Variants in CTSA observed in about 807,000 individuals in gnomAD.
The protein encoded by CTSA is lysosomal protective protein.
In CTSA, 42 loss-of-function variants were observed where a neutral mutation model predicts 66.7. That is an observed-to-expected ratio of 0.63 (90% confidence interval 0.49 to 0.81). The LOEUF (loss-of-function observed/expected upper bound fraction) is 0.81. Ranked by LOEUF, CTSA falls within the 40% of genes least tolerant of loss-of-function variation. The pLI is 0.00. For synonymous variants in CTSA, 225 were observed against 248.6 expected (o/e 0.91, Z 0.89); for missense variants, 525 against 610.9 (o/e 0.86, Z 1.48).
chr20:45,891,954 T>C lies in CTSA; in HGVS notation c.233T>C (p.Val78Ala), dbSNP rs1055279552. ...CAGAAGGATCCCGAGAACAGCCCTGTGGTGCTTTGGCTCAATGGGGGTCCC... is the reference window on the plus strand; with the variant it reads ...CAGAAGGATCCCGAGAACAGCCCTGCGGTGCTTTGGCTCAATGGGGGTCCC... ...ESQKDPENSP[V>A]VLWLNGGPGC... The change falls in exon 3 of 15, where the codon GTG becomes GCG. Residue 78 changes from valine (V) to alanine (A), a missense_variant. Val to Ala is a moderately conservative substitution (Grantham distance 64). Around this residue, in one of 3 missense-constraint regions of CTSA, gnomAD observed 246 missense variants for 267.4 expected, o/e 0.92. Coordinates refer to ENST00000646241, the MANE Select transcript of CTSA (RefSeq NM_000308.4). The surrounding 1 kb of genome is among the most constrained non-coding windows in gnomAD (Gnocchi z 4.6). 1.2e-6 allele frequency: 2 copies of C among 1,614,146 alleles called. No individual in the cohort carries two copies. The highest frequency in any genetic ancestry group is 3.3e-5 in the Admixed American group (2 of 60,026).
intron 11 of CTSA, among the ~76,000 whole-genome samples, chr20:45,896,157 T>A (rs1448449402): frequency 6.6e-6 from 1 of 152,084 alleles, no homozygotes; most frequent in Non-Finnish European, 1.5e-5. Flanking sequence ...ATCATGCTAC[T>A]GCACTCCAGC....
chr20:45,896,224 A>G (rs1460777271), intron 11 of CTSA, among the ~76,000 whole-genome samples: 4 of 149,288 alleles, frequency 2.7e-5, no homozygotes, highest in African/African-American at 1.0e-4. Flanking sequence ...GTTAACTTCC[A>G]TGTCCAGTCT....
At position 45,894,803 on chromosome 20, in the gene CTSA, TC is replaced by T. The variant is rs3215446; in HGVS notation, c.870-15del. ...CCCCATCTGGAGGCTCCACACCCAT[TC>T]CCCCACCTCACATTGCAGGTATGAG... On this transcript the variant is annotated intron_variant, in intron 9 of 14. Transcript: ENST00000646241. The T allele has an allele frequency of 0.54, 868,752 of 1,613,518 alleles. 241,362 individuals are homozygous for T. Among genetic ancestry groups the T allele is most frequent in the Admixed American group, 0.61 (36,686 of 59,952 alleles).
chr20:45,893,398 C>A, intron 7 of CTSA, 87 bp downstream of exon 7: 1 of 1,005,150 alleles, frequency 9.9e-7, no homozygotes, highest in Non-Finnish European at 1.6e-6. Context: ...ATATGACAGG[C>A]CCAGCCCAGG....
In CTSA at chr20:45,891,632, T is replaced by A; in HGVS notation, c.64T>A (p.Trp22Arg). Residue 22 changes from tryptophan (W) to arginine (R), a missense_variant, in exon 2 of 15, where the codon TGG becomes AGG. Coordinates refer to ENST00000646241, the MANE Select transcript of CTSA (RefSeq NM_000308.4). The surrounding 1 kb of genome is among the most constrained non-coding windows in gnomAD (Gnocchi z 4.6). ...GCTGCTGCTGCTGCTGCTAGTGTCC[T>A]GGGCGTCCCGAGGCGAGGCAGCCCC... ...LLLLLLLLVS[W>R]ASRGEAAPDQ... 6.2e-7 allele frequency: 1 copy of A among 1,611,614 alleles called. No homozygotes were observed. The highest frequency in any genetic ancestry group is 8.5e-7 in the Non-Finnish European group (1 of 1,179,732).
chr20:45,893,962 G>A, intron 7 of CTSA, 26 bp from the exon 8 acceptor site: 10 of 1,485,710 alleles, frequency 6.7e-6, no homozygotes, highest in Non-Finnish European at 9.4e-6. Context: ...AGCAGCTGAT[G>A]CGCTTTTCAC....
At position 45,896,927 on chromosome 20, in the gene CTSA, C is replaced by T. The variant is rs371755241; in HGVS notation, c.1089-38C>T. ...ATCTGTTGACTACTTTTCGCCCCGACCTGGTCTTCCTGGGGCCTGCTCGTA... is the reference window on the plus strand; with the variant it reads ...ATCTGTTGACTACTTTTCGCCCCGATCTGGTCTTCCTGGGGCCTGCTCGTA... On this transcript the variant is annotated intron_variant, in intron 11 of 14. Transcript: ENST00000646241. The T allele has an allele frequency of 1.9e-6, 3 of 1,567,102 alleles. No individual in the cohort carries two copies. The African/African-American group carries it at 4.0e-5, about 21-fold the overall frequency.
chr20:45,893,633 C>T (rs1987090606), intron 7 of CTSA, among the ~76,000 whole-genome samples: 1 of 152,118 alleles, frequency 6.6e-6, no homozygotes, highest in Non-Finnish European at 1.5e-5. Context: ...CAGGCGCGTA[C>T]CACCACACCT....
rs1414944646 is a variant in CTSA at position 45,892,688 on chromosome 20, C to G, written c.445-37C>G. 3 of 1,613,924 alleles carry G rather than the reference C, an allele frequency of 1.9e-6. No individual in the cohort carries two copies. The African/African-American group carries it at 4.0e-5, about 22-fold the overall frequency. The stretch of plus-strand genomic sequence containing the variant: ...GTTCTTTCCAGTTCAAATACCAAAG[C>G]TTCCTGATTCCCTCTGTCTTGCTCT... On this transcript the variant is annotated intron_variant, in intron 5 of 14. Coordinates refer to ENST00000646241, the MANE Select transcript of CTSA (RefSeq NM_000308.4).
intron 7 of CTSA, 37 bp from the exon 8 acceptor site, chr20:45,893,951 C>G: frequency 7.4e-7 from 1 of 1,347,332 alleles, no homozygotes; most frequent in South Asian, 1.2e-5. Flanking sequence ...CTCTTCCCAC[C>G]AGCAGCTGAT....
Position 45,898,107 on chromosome 20 carries a change from AAGGT to A in CTSA, c.1359+2_1359+5del. 6.2e-7 allele frequency: 1 copy of A among 1,613,724 alleles called. No individual in the cohort carries two copies. The highest frequency in any genetic ancestry group is 1.1e-5 in the South Asian group (1 of 91,072). ...CTCCCACATCGCCTTTCTCACGATC[AAGGT>A]AGGGACTGGGCCTGCTGAGAGATAA... On this transcript the variant is annotated splice_donor_variant and coding_sequence_variant, in exon 14 of 15. Coordinates refer to ENST00000646241, the MANE Select transcript of CTSA (RefSeq NM_000308.4). LOFTEE classifies it high-confidence loss of function. This position sits in a 1 kb window ranked among gnomAD's most constrained non-coding sequence, Gnocchi z 4.6.
intron 11 of CTSA, among the ~76,000 whole-genome samples, chr20:45,896,052 A>C (rs760914421): frequency 1.5e-4 from 23 of 152,164 alleles, no homozygotes; most frequent in Non-Finnish European, 3.1e-4. Flanking sequence ...ACAATTAGCC[A>C]GGTGTGCTGT....
In CTSA at chr20:45,896,921, C is replaced by T. The variant is rs747549333; in HGVS notation, c.1089-44C>T. On this transcript the variant is annotated intron_variant, in intron 11 of 14. Transcript: ENST00000646241. ...GGTCTGATCTGTTGACTACTTTTCGCCCCGACCTGGTCTTCCTGGGGCCTG... is the reference window on the plus strand; with the variant it reads ...GGTCTGATCTGTTGACTACTTTTCGTCCCGACCTGGTCTTCCTGGGGCCTG... The T allele has an allele frequency of 3.9e-6, 6 of 1,536,550 alleles. No individual in the cohort carries two copies. In the South Asian group the frequency reaches 5.6e-5, roughly 14 times the overall value.
Position 45,892,751 on chromosome 20 carries a change from T to G in CTSA, c.471T>G (p.Leu157=). The G allele has an allele frequency of 6.2e-7, 1 of 1,614,194 alleles. No homozygotes were observed. The highest frequency in any genetic ancestry group is 1.3e-5 in the African/African-American group (1 of 75,044). Residue 157 remains leucine (L), a synonymous_variant, in exon 6 of 15, where the codon CTT becomes CTG. Transcript: ENST00000646241. ...TCGCCCAGAGCAATTTTGAGGCCCT[T>G]CAAGATTTCTTCCGCCTCTTTCCGG... The part of the protein sequence containing the change: ...TEVAQSNFEA[L]QDFFRLFPEY...
chr20:45,897,443 C>A, intron 12 of CTSA: 1 of 506,612 alleles, frequency 2.0e-6, no homozygotes, highest in South Asian at 2.1e-5. Context: ...GGTGCAAGTC[C>A]CTGTACTAGC....
At chr20:45,893,014 GGTCT>G (rs1987055113) in intron 6 of CTSA, 134 bp downstream of exon 6, 1 of 1,137,028 alleles carries the variant, frequency 8.8e-7, no homozygotes, top group Non-Finnish European at 1.3e-6. Context: ...GGCTGCCCTA[GGTCT>G]GTCTGTGTGC....
intron 11 of CTSA, chr20:45,895,365 G>C (rs967625084): frequency 1.9e-6 from 1 of 529,088 alleles, no homozygotes; most frequent in African/African-American, 1.9e-5. Flanking sequence ...CTGTCACCTA[G>C]GCTGGAGTGC....
At position 45,891,751 on chromosome 20, in the gene CTSA, C is replaced by T; in HGVS notation, c.183C>T (p.His61=). 1.2e-6 allele frequency: 2 copies of T among 1,613,814 alleles called. No individual in the cohort carries two copies. The highest frequency in any genetic ancestry group is 1.7e-6 in the Non-Finnish European group (2 of 1,180,042). ...ACCTCAAAGGCTCCGGCTCCAAGCACCTCCACTACTGGTCTGCCGCCCTGC... is the reference window on the plus strand; with the variant it reads ...ACCTCAAAGGCTCCGGCTCCAAGCATCTCCACTACTGGTCTGCCGCCCTGC... ...SGYLKGSGSK[H]LHYWFVESQK... Residue 61 remains histidine, a synonymous_variant, in exon 2 of 15, where the codon CAC becomes CAT. Coordinates refer to ENST00000646241, the MANE Select transcript of CTSA (RefSeq NM_000308.4). The surrounding 1 kb of genome is among the most constrained non-coding windows in gnomAD (Gnocchi z 4.6).
rs79280639 is a variant in CTSA at position 45,898,745 on chromosome 20, G to A, written c.*295G>A. The A allele has an allele frequency of 9.8e-5, 70 of 712,290 alleles. No individual in the cohort carries two copies. The highest frequency in any genetic ancestry group is 1.4e-4 in the Non-Finnish European group (59 of 431,462). 44.1% of individuals were successfully genotyped at this position (712,290 alleles called of 1,614,324 possible). The stretch of plus-strand genomic sequence containing the variant: ...ATCCCAGGAACCCAACAGAGCTCAG[G>A]ACAGCCCACAGGGAGGTGGTGGACG... On this transcript the variant is annotated 3_prime_UTR_variant, in exon 15 of 15. Coordinates refer to ENST00000646241, the MANE Select transcript of CTSA (RefSeq NM_000308.4). This position sits in a 1 kb window ranked among gnomAD's most constrained non-coding sequence, Gnocchi z 4.6.
Sources: allele counts gnomAD v4.1 joint callset (sites outside exome capture counted in the v4.1 genomes callset), GRCh38; gene constraint gnomAD v4.1.1; regional missense constraint gnomAD v4.1.1; non-coding constraint Gnocchi (gnomAD v3.1); transcripts MANE v1.5; gene names NCBI Gene and HGNC (gene_info 2026-07-23, HGNC 2026-07-21).